The following GRM1 variants were observed in gnomAD, a reference collection of about 807,000 sequenced individuals.
GRM1 encodes the protein glutamate metabotropic receptor 1, also known as metabotropic glutamate receptor 1.
Under a neutral mutation model 90.9 loss-of-function variants are expected in GRM1, and 33 were observed. The ratio of observed to expected loss-of-function variants is 0.36; its 90% CI spans 0.28 to 0.49. GRM1 has a LOEUF of 0.49. Among genes scored for constraint, GRM1 ranks in the 20% least tolerant of loss-of-function variants. The pLI, the probability that GRM1 is intolerant of heterozygous loss-of-function variation, is 0.99. For missense variants in GRM1, 1,190 were observed against 1,534.3 expected (o/e 0.78, Z 3.75); for synonymous variants, 700 against 613.2 (o/e 1.14, Z -2.09).
chr6:146,365,663 G>A (rs897410144), intron 5 of GRM1, among the ~76,000 whole-genome samples: 1 of 152,152 alleles, frequency 6.6e-6, no homozygotes, highest in East Asian at 1.9e-4. Flanking sequence ...ACCTAGCCTT[G>A]CTCTAGCTGT....
chr6:146,249,759 G>T (rs2114759248), intron 2 of GRM1, among the ~76,000 whole-genome samples: 1 of 152,232 alleles, frequency 6.6e-6, no homozygotes, highest in Non-Finnish European at 1.5e-5. Flanking sequence ...ACCCCAAAAT[G>T]GTAGCTCCAC....
chr6:146,405,133 GATTA>G (rs1461143949), intron 7 of GRM1, among the ~76,000 whole-genome samples: 1 of 152,130 alleles, frequency 6.6e-6, no homozygotes, highest in Admixed American at 6.6e-5. Flanking sequence ...ATGGGTTTCA[GATTA>G]ATTAATTGAA....
At chr6:146,140,912 C>G (rs1776855228) in intron 1 of GRM1, among the ~76,000 whole-genome samples, 1 of 152,046 alleles carries the variant, frequency 6.6e-6, no homozygotes, top group South Asian at 2.1e-4. Context: ...GTTTACACAC[C>G]ACCATTACAG....
In GRM1 at chr6:146,418,293, G is replaced by A. The variant is rs546282948; in HGVS notation, c.2661-15579G>A. ...CCCCATATAGTATCTTAGTTCCTGG[G>A]GTAAAGCTAAGAGGAAAAAGAATCA... On this transcript the variant is annotated intron_variant, in intron 7 of 7. Coordinates refer to ENST00000282753, the MANE Select transcript of GRM1 (RefSeq NM_001278064.2). Among the ~76,000 whole-genome samples, 4 of 151,628 alleles carry A rather than the reference G, an allele frequency of 2.6e-5. No individual in the cohort carries two copies. The South Asian group carries it at 8.3e-4, about 32-fold the overall frequency.
chr6:146,401,228 G>A (rs547529745), intron 7 of GRM1, among the ~76,000 whole-genome samples: 2 of 152,178 alleles, frequency 1.3e-5, no homozygotes, highest in East Asian at 3.9e-4. Flanking sequence ...CTCAAAACTA[G>A]GATGAAGCCA....
At chr6:146,049,951 A>G (rs1042143086) in intron 1 of GRM1, among the ~76,000 whole-genome samples, 3 of 151,938 alleles carry the variant, frequency 2.0e-5, no homozygotes, top group African/African-American at 7.2e-5. Context: ...GCAGGGTTCA[A>G]ACCCAGTCAG....
At chr6:146,193,464 C>T (rs768820747) in intron 2 of GRM1, among the ~76,000 whole-genome samples, 11 of 152,044 alleles carry the variant, frequency 7.2e-5, no homozygotes, top group Admixed American at 2.6e-4. Context: ...AGTGTGGTGT[C>T]CTAAAGCCGA....
At chr6:146,039,969 C>T (rs767402532) in intron 1 of GRM1, among the ~76,000 whole-genome samples, 14 of 151,850 alleles carry the variant, frequency 9.2e-5, no homozygotes, top group Middle Eastern at 3.2e-3. Flanking sequence ...CATAGGCCAC[C>T]GATCTGGAAA....
At chr6:146,357,448 A>G (rs1785629618) in intron 4 of GRM1, 78 bp from the exon 5 acceptor site, 2 of 1,152,780 alleles carry the variant, frequency 1.7e-6, no homozygotes, top group Non-Finnish European at 2.6e-6. Context: ...TGTTTCTATT[A>G]TTATCTACTT....
chr6:146,209,783 A>G (rs968998472), intron 2 of GRM1, among the ~76,000 whole-genome samples: 1 of 152,190 alleles, frequency 6.6e-6, no homozygotes, highest in Non-Finnish European at 1.5e-5. Flanking sequence ...AATGAACCTT[A>G]GTGTTACTGA....
intron 3 of GRM1, among the ~76,000 whole-genome samples, chr6:146,351,983 A>G (rs1320962655): frequency 6.6e-6 from 1 of 152,204 alleles, no homozygotes; most frequent in Admixed American, 6.5e-5. Context: ...AATATTCAAA[A>G]GTCCTTTATT....
intron 1 of GRM1, among the ~76,000 whole-genome samples, chr6:146,093,199 A>T (rs1356602915): frequency 1.3e-5 from 2 of 152,152 alleles, no homozygotes; most frequent in African/African-American, 4.8e-5. Context: ...GCAAAATGCC[A>T]TGTCAGATGG....
chr6:146,370,493 G>C (rs573499551), intron 5 of GRM1, among the ~76,000 whole-genome samples: 6 of 152,152 alleles, frequency 3.9e-5, no homozygotes, highest in Admixed American at 3.9e-4. Context: ...CTCTTCATTG[G>C]CATTTTATTT....
At chr6:146,265,302 A>G (rs962838475) in intron 2 of GRM1, among the ~76,000 whole-genome samples, 2 of 152,088 alleles carry the variant, frequency 1.3e-5, no homozygotes, top group Admixed American at 1.3e-4. Context: ...GCATTTTTGT[A>G]TATTTGTTGG....
chr6:146,405,083 A>G (rs1777298419), intron 7 of GRM1, among the ~76,000 whole-genome samples: 5 of 152,222 alleles, frequency 3.3e-5, no homozygotes, highest in Admixed American at 3.3e-4. Flanking sequence ...ATTAAAACAG[A>G]TAAGGAATAC....
At chr6:146,170,975 T>A (rs533283215) in intron 2 of GRM1, among the ~76,000 whole-genome samples, 57 of 152,302 alleles carry the variant, frequency 3.7e-4, no homozygotes, top group Middle Eastern at 6.8e-3. Flanking sequence ...ATTATTTTAT[T>A]GAAGTCTATT....
chr6:146,287,669 T>C (rs956352082), intron 2 of GRM1, among the ~76,000 whole-genome samples: 1 of 152,172 alleles, frequency 6.6e-6, no homozygotes, highest in African/African-American at 2.4e-5. Flanking sequence ...CCTCTCAGCT[T>C]TACAATGGGT....
intron 2 of GRM1, among the ~76,000 whole-genome samples, chr6:146,233,366 T>C (rs55654963): frequency 3.3e-5 from 5 of 152,138 alleles, no homozygotes; most frequent in African/African-American, 1.2e-4. Context: ...ATGTCAATCA[T>C]GATGGAAACA....
intron 6 of GRM1, among the ~76,000 whole-genome samples, chr6:146,391,561 T>A (rs1217443011): frequency 6.6e-6 from 1 of 152,042 alleles, no homozygotes; most frequent in Non-Finnish European, 1.5e-5. Flanking sequence ...TAACTCTTTT[T>A]TAAAAACTTC....
Sources: allele counts gnomAD v4.1 joint callset (sites outside exome capture counted in the v4.1 genomes callset), GRCh38; gene constraint gnomAD v4.1.1; transcripts MANE v1.5; gene names NCBI Gene and HGNC (gene_info 2026-07-23, HGNC 2026-07-21).